The following GREM2 variants were observed in gnomAD, a reference collection of about 807,000 sequenced individuals.
GREM2 encodes gremlin-2.
Under a neutral mutation model 14.2 loss-of-function variants are expected in GREM2, and 11 were observed. That is an observed-to-expected ratio of 0.78 (90% confidence interval 0.49 to 1.28). GREM2 has a LOEUF of 1.28. GREM2 is among the 50% of genes most tolerant of loss of function. GREM2 has a pLI of 0.00. For synonymous variants in GREM2, 98 were observed against 97.6 expected (o/e 1.00, Z -0.02); for missense variants, 210 against 218.5 (o/e 0.96, Z 0.24).
chr1:240,555,591 T>C (rs1161070887), intron 1 of GREM2, among the ~76,000 whole-genome samples: 2 of 152,190 alleles, frequency 1.3e-5, no homozygotes, highest in Admixed American at 1.3e-4. Flanking sequence ...TCTCTGAAGA[T>C]CAAAATGAAA....
chr1:240,591,130 A>G (rs1039243744), intron 1 of GREM2, among the ~76,000 whole-genome samples: 2 of 152,122 alleles, frequency 1.3e-5, no homozygotes, highest in Non-Finnish European at 2.9e-5. Context: ...ATTTCCTCAA[A>G]GGAAATTTCC....
In GREM2 at chr1:240,528,540, G is replaced by A. The variant is rs1479244867; in HGVS notation, c.-1-35064C>T. 5.3e-5 allele frequency among the ~76,000 whole-genome samples: 8 copies of A among 152,264 alleles called. 1 individual carries two copies. The East Asian group carries it at 1.5e-3, about 29-fold the overall frequency. ...AAAATGTATATGTATTTTAGGAATG[G>A]TAGGTACTGTTTTCTGTGGATAAAC... On this transcript the variant is annotated intron_variant, in intron 1 of 1. Coordinates refer to ENST00000318160, the MANE Select transcript of GREM2 (RefSeq NM_022469.4).
In GREM2 at chr1:240,539,271, T is replaced by G. The variant is rs544116901; in HGVS notation, c.-1-45795A>C. 8.2e-4 allele frequency among the ~76,000 whole-genome samples: 125 copies of G among 152,336 alleles called. 2 individuals are homozygous for G. Among genetic ancestry groups the G allele is most frequent in the African/African-American group, 2.6e-3 (107 of 41,586 alleles). On this transcript the variant is annotated intron_variant, in intron 1 of 1. Coordinates refer to ENST00000318160, the MANE Select transcript of GREM2 (RefSeq NM_022469.4). The stretch of plus-strand genomic sequence containing the variant: ...CGCTGCAGTTATAATGGCTGGCTTG[T>G]GGTCTTCCTGGTGGTGACAAGTCTC...
At chr1:240,593,394 C>A (rs1366030514) in intron 1 of GREM2, among the ~76,000 whole-genome samples, 1 of 151,712 alleles carries the variant, frequency 6.6e-6, no homozygotes, top group Non-Finnish European at 1.5e-5. Context: ...ATTCCACACA[C>A]TGAGTCCTGA....
chr1:240,531,612 G>C, intron 1 of GREM2: 1 of 981,140 alleles, frequency 1.0e-6, no homozygotes, highest in Non-Finnish European at 1.2e-6. Flanking sequence ...GTTATGTGGC[G>C]AGGCCACTGC....
intron 1 of GREM2, among the ~76,000 whole-genome samples, chr1:240,603,223 T>C (rs1334862456): frequency 6.6e-6 from 1 of 152,168 alleles, no homozygotes; most frequent in Non-Finnish European, 1.5e-5. Context: ...AGCCATTCAA[T>C]TCACTCATCC....
At chr1:240,525,079 G>A (rs1356913806) in intron 1 of GREM2, among the ~76,000 whole-genome samples, 1 of 152,102 alleles carries the variant, frequency 6.6e-6, no homozygotes, top group Non-Finnish European at 1.5e-5. Context: ...CACCTAGTGG[G>A]TGCAGGCCCT....
chr1:240,509,393 A>G (rs1677752411), intron 1 of GREM2, among the ~76,000 whole-genome samples: 1 of 126,598 alleles, frequency 7.9e-6, no homozygotes, highest in African/African-American at 3.0e-5. Context: ...TTTGAGACAG[A>G]GTTTCACTCT....
rs575330012 is a variant in GREM2 at position 240,515,492 on chromosome 1, G to A, written c.-1-22016C>T. On this transcript the variant is annotated intron_variant, in intron 1 of 1. Transcript: ENST00000318160. ...ATCTCAGAAGTGCTTTAAGTCTCTT[G>A]GAAGTATTCTATTATCAGGGAGACT... is the stretch of plus-strand genomic sequence containing the variant. Among the ~76,000 whole-genome samples the A allele has an allele frequency of 3.8e-5, 3 of 78,256 alleles. No individual in the cohort carries two copies. The South Asian group carries it at 1.2e-3, about 32-fold the overall frequency. The allele number at this position is 78,256 out of a possible 152,430, so 51.3% of individuals were successfully genotyped here.
At chr1:240,495,160 G>A (rs1350933680) in intron 1 of GREM2, among the ~76,000 whole-genome samples, 1 of 152,140 alleles carries the variant, frequency 6.6e-6, no homozygotes, top group Non-Finnish European at 1.5e-5. Context: ...TAGCCCCAAG[G>A]AACACTAATA....
At chr1:240,515,803 T>G (rs1051928915) in intron 1 of GREM2, among the ~76,000 whole-genome samples, 3 of 152,202 alleles carry the variant, frequency 2.0e-5, no homozygotes, top group African/African-American at 7.2e-5. Context: ...GTGTGGTTTC[T>G]GGGCAGCCCA....
chr1:240,552,578 C>T (rs903960512), intron 1 of GREM2, among the ~76,000 whole-genome samples: 2 of 152,054 alleles, frequency 1.3e-5, no homozygotes, highest in Non-Finnish European at 2.9e-5. Flanking sequence ...AGAGCAAGAC[C>T]CTATCTCTAA....
intron 1 of GREM2, among the ~76,000 whole-genome samples, chr1:240,589,871 G>A (rs1270331441): frequency 6.6e-6 from 1 of 152,170 alleles, no homozygotes; most frequent in Non-Finnish European, 1.5e-5. Context: ...TGGAACAGGT[G>A]GCCTTTAAGC....
At chr1:240,560,054 G>T (rs929889921) in intron 1 of GREM2, among the ~76,000 whole-genome samples, 4 of 152,152 alleles carry the variant, frequency 2.6e-5, no homozygotes, top group African/African-American at 9.7e-5. Flanking sequence ...AGGCTGAAGA[G>T]GTGGGAGCAT....
At chr1:240,557,180 AC>A (rs1332068071) in intron 1 of GREM2, among the ~76,000 whole-genome samples, 1 of 151,688 alleles carries the variant, frequency 6.6e-6, no homozygotes, top group Non-Finnish European at 1.5e-5. Flanking sequence ...TAAAAAAAAA[AC>A]ATAAAATAAA....
chr1:240,562,962 G>A (rs567168407), intron 1 of GREM2, among the ~76,000 whole-genome samples: 1 of 115,290 alleles, frequency 8.7e-6, no homozygotes, highest in East Asian at 2.4e-4. Flanking sequence ...ATGTGTGTGA[G>A]TGTGTGTATG....
intron 1 of GREM2, among the ~76,000 whole-genome samples, chr1:240,510,484 C>G (rs1303541188): frequency 1.3e-5 from 2 of 148,988 alleles, no homozygotes; most frequent in South Asian, 2.1e-4. Context: ...GGGGAAAGGA[C>G]AGCTCCTTAA....
rs139316939 is a variant in GREM2 at position 240,514,662 on chromosome 1, G to A, written c.-1-21186C>T. On this transcript the variant is annotated intron_variant, in intron 1 of 1. Coordinates refer to ENST00000318160, the MANE Select transcript of GREM2 (RefSeq NM_022469.4). ...ACCTGTAATCCCAGCACTTCAAGACGCCAAGGCAGGAGGATTGCATGAGGC... is the reference window on the plus strand; with the variant it reads ...ACCTGTAATCCCAGCACTTCAAGACACCAAGGCAGGAGGATTGCATGAGGC... Among the ~76,000 whole-genome samples the A allele has an allele frequency of 1.8e-3, 280 of 152,308 alleles. 1 individual carries two copies. The highest frequency in any genetic ancestry group is 6.4e-3 in the African/African-American group (268 of 41,576).
intron 1 of GREM2, among the ~76,000 whole-genome samples, chr1:240,575,769 C>T (rs560131547): frequency 2.0e-5 from 3 of 152,080 alleles, no homozygotes; most frequent in African/African-American, 7.2e-5. Context: ...GATCTGTCCA[C>T]CTCAGCCTCC....
Sources: gnomAD v4.1 joint callset for allele counts (sites outside exome capture counted in the v4.1 genomes callset) on GRCh38, gnomAD v4.1.1 for gene constraint, MANE v1.5 for transcripts, NCBI Gene and HGNC (gene_info 2026-07-23, HGNC 2026-07-21) for gene names.